DGKD: variants seen among roughly 807,000 people sequenced by gnomAD.
The protein encoded by DGKD is diacylglycerol kinase delta.
In DGKD, 68 loss-of-function variants were observed where a neutral mutation model predicts 154.4. The observed-to-expected ratio is 0.44, with a 90% CI of 0.36 to 0.54. The LOEUF is 0.54. Among genes scored for constraint, DGKD ranks in the 20% least tolerant of loss-of-function variants. The pLI, the probability that DGKD is intolerant of heterozygous loss-of-function variation, is 0.00. For synonymous variants in DGKD, 693 were observed against 638.0 expected, an observed-to-expected ratio of 1.09 and a Z score of -1.30; for missense variants, 1,343 against 1,593.6, an observed-to-expected ratio of 0.84 and a Z score of 2.68.
At chr2:233,383,894 G>A (rs1478559468) in intron 1 of DGKD, among the ~76,000 whole-genome samples, 4 of 152,176 alleles carry the variant, frequency 2.6e-5, no homozygotes, top group South Asian at 2.1e-4. Flanking sequence ...TTGAGGGAAC[G>A]GGAAGCATTC....
chr2:233,463,640 A>G (rs1049103983), intron 26 of DGKD, among the ~76,000 whole-genome samples: 5 of 137,072 alleles, frequency 3.6e-5, no homozygotes, highest in African/African-American at 1.6e-4. Flanking sequence ...GCATCTCCTC[A>G]CTCCACGCAT....
At chr2:233,407,226 T>C (rs77326355) in intron 3 of DGKD, among the ~76,000 whole-genome samples, 1,560 of 152,366 alleles carry the variant, frequency 0.01, 32 homozygotes, top group African/African-American at 0.035. Flanking sequence ...GTAACAGTTA[T>C]TCTGATTTAT....
At chr2:233,387,027 T>G (rs1343865330) in intron 1 of DGKD, among the ~76,000 whole-genome samples, 1 of 152,234 alleles carries the variant, frequency 6.6e-6, no homozygotes, top group Non-Finnish European at 1.5e-5. Flanking sequence ...GGGGGCTTTC[T>G]GCAGCCTTCC....
At position 233,457,675 on chromosome 2, in the gene DGKD, TC is replaced by T; in HGVS notation, c.2580+349del. On this transcript the variant is annotated intron_variant, in intron 21 of 29. Coordinates refer to ENST00000264057, the MANE Select transcript of DGKD (RefSeq NM_152879.3). The surrounding 1 kb of genome is among the most constrained non-coding windows in gnomAD (Gnocchi z 5.5). ...TGGGCAGAGGAGAGGGGGAGGCTGTTCCAGGCAGAGAGAATTGCACAGATGA... is the reference window on the plus strand; with the variant it reads ...TGGGCAGAGGAGAGGGGGAGGCTGTTCAGGCAGAGAGAATTGCACAGATGA... 2.3e-6 allele frequency: 1 copy of T among 443,246 alleles called. No homozygotes were observed. Among genetic ancestry groups the T allele is most frequent in the Non-Finnish European group, 4.5e-6 (1 of 223,606 alleles). The allele number at this position is 443,246 out of a possible 1,614,324, so 27.5% of individuals were successfully genotyped here. A position where few individuals can be genotyped will look rare whatever the true frequency, so the allele number is the denominator to read the frequency against.
At position 233,459,969 on chromosome 2, in the gene DGKD, G is replaced by C. The variant is rs777129022; in HGVS notation, c.2829+78G>C. 248 of 1,517,132 alleles carry C rather than the reference G, an allele frequency of 1.6e-4. No homozygotes were observed. The highest frequency in any genetic ancestry group is 2.1e-4 in the Non-Finnish European group (241 of 1,136,290). The allele number at this position is 1,517,132 out of a possible 1,614,324, so 94.0% of individuals were successfully genotyped here. A position where few individuals can be genotyped will look rare whatever the true frequency, so the allele number is the denominator to read the frequency against. On this transcript the variant is annotated intron_variant, in intron 23 of 29. Coordinates refer to ENST00000264057, the MANE Select transcript of DGKD (RefSeq NM_152879.3). The surrounding 1 kb of genome is among the most constrained non-coding windows in gnomAD (Gnocchi z 5.7). ...CTCTTGTGTGCACTGTTAAGAGCTG[G>C]AGCTTTTTGTGTTTTGTTCTAGGAT...
Position 233,469,044 on chromosome 2 carries a change from C to T in DGKD, c.3556-327C>T, listed in dbSNP as rs554252829. Among the ~76,000 whole-genome samples the T allele has an allele frequency of 2.3e-4, 35 of 152,306 alleles. No homozygotes were observed. The East Asian group carries it at 4.3e-3, about 19-fold the overall frequency. On this transcript the variant is annotated intron_variant, in intron 29 of 29. Coordinates refer to ENST00000264057, the MANE Select transcript of DGKD (RefSeq NM_152879.3). ...TGGGTGTTGAATCACTGGCTGAGTC[C>T]CGAGAGGGCAAAAGGCCACTGTGGG...
At chr2:233,462,767 G>A (rs766343599) in intron 26 of DGKD, 32 bp downstream of exon 26, 23 of 1,590,878 alleles carry the variant, frequency 1.4e-5, no homozygotes, top group African/African-American at 1.3e-4. Context: ...AGCAGGGCTC[G>A]GGCTGTGTGT....
At chr2:233,385,477 A>G (rs1484112311) in intron 1 of DGKD, among the ~76,000 whole-genome samples, 1 of 152,188 alleles carries the variant, frequency 6.6e-6, no homozygotes, top group Non-Finnish European at 1.5e-5. Flanking sequence ...TCTGATTGGA[A>G]TAAGGGTATC....
At position 233,434,782 on chromosome 2, in the gene DGKD, G is replaced by A. The variant is rs775414474; in HGVS notation, c.467G>A (p.Ser156Asn). Reference protein sequence around the residue: ...NREHFEPTQYSMDHFSGMHNW... With the variant: ...NREHFEPTQYNMDHFSGMHNW... The stretch of plus-strand genomic sequence containing the variant: ...TCGTTCTTCCAGCCCACCCAGTACA[G>A]CATGGACCACTTCTCAGGGATGCAC... Residue 156 changes from serine to asparagine, a missense_variant, in exon 5 of 30, where the codon AGC (serine) becomes AAC (asparagine). Around this residue, in one of 6 missense-constraint regions of DGKD, gnomAD observed 332 missense variants for 400.1 expected, o/e 0.83. Transcript: ENST00000264057. 6.2e-7 allele frequency: 1 copy of A among 1,613,878 alleles called. No homozygotes were observed. Among genetic ancestry groups the A allele is most frequent in the African/African-American group, 1.3e-5 (1 of 74,932 alleles).
At chr2:233,421,827 G>A (rs1466981459) in intron 3 of DGKD, among the ~76,000 whole-genome samples, 1 of 152,234 alleles carries the variant, frequency 6.6e-6, no homozygotes, top group Non-Finnish European at 1.5e-5. Context: ...GCATTCAAAT[G>A]TAACTTCCGC....
At chr2:233,394,833 C>T (rs1046739374) in intron 3 of DGKD, among the ~76,000 whole-genome samples, 1 of 151,036 alleles carries the variant, frequency 6.6e-6, no homozygotes, top group African/African-American at 2.4e-5. Flanking sequence ...TCACCCTCCC[C>T]AGTAGCTGGA....
At chr2:233,364,005 GAGAA>G (rs1701911208) in intron 1 of DGKD, among the ~76,000 whole-genome samples, 1 of 152,186 alleles carries the variant, frequency 6.6e-6, no homozygotes. Context: ...CATAGATGAA[GAGAA>G]AGAGAGAAAG....
At chr2:233,370,570 C>CTTTTTTTTTTTTTTTTTTTTTT (rs56301429) in intron 1 of DGKD, among the ~76,000 whole-genome samples, 1 of 123,344 alleles carries the variant, frequency 8.1e-6, no homozygotes, top group Non-Finnish European at 1.7e-5. Context: ...AGAACTTCTT[C>CTTTTTTTTTTTTTTTTTTTTTT]TTTTTTTTTT....
intron 3 of DGKD, among the ~76,000 whole-genome samples, chr2:233,427,337 CTTTTTTTT>C (rs35153949): frequency 4.8e-5 from 4 of 83,758 alleles, no homozygotes; most frequent in African/African-American, 1.1e-4. Context: ...TATTGCCCTG[CTTTTTTTT>C]TTTTTTTTTT....
At chr2:233,366,256 GTTGAA>G (rs1702023113) in intron 1 of DGKD, among the ~76,000 whole-genome samples, 1 of 152,232 alleles carries the variant, frequency 6.6e-6, no homozygotes, top group African/African-American at 2.4e-5. Context: ...TTGGATCGTG[GTTGAA>G]AAGATGGCTC....
chr2:233,409,801 T>G (rs1012967421), intron 3 of DGKD, among the ~76,000 whole-genome samples: 15 of 143,828 alleles, frequency 1.0e-4, no homozygotes, highest in East Asian at 2.1e-4. Context: ...TTTTTTTTTT[T>G]TTTTTTTTTT....
chr2:233,359,850 T>G (rs1701700207), intron 1 of DGKD, among the ~76,000 whole-genome samples: 1 of 152,148 alleles, frequency 6.6e-6, no homozygotes, highest in Non-Finnish European at 1.5e-5. Flanking sequence ...ACAGTTAATA[T>G]GAAGTTGTGA....
intron 1 of DGKD, among the ~76,000 whole-genome samples, chr2:233,355,439 C>T (rs1045331510): frequency 2.4e-4 from 37 of 152,254 alleles, no homozygotes; most frequent in Non-Finnish European, 7.3e-5. Flanking sequence ...TAGAACACTG[C>T]TTCCTCAGGC....
intron 3 of DGKD, among the ~76,000 whole-genome samples, chr2:233,433,599 C>T (rs1256810128): frequency 1.3e-5 from 2 of 152,056 alleles, no homozygotes. Flanking sequence ...TTGTTTATAA[C>T]ACAGAGAAAG....
Sources: allele counts gnomAD v4.1 joint callset (sites outside exome capture counted in the v4.1 genomes callset), GRCh38; gene constraint gnomAD v4.1.1; regional missense constraint gnomAD v4.1.1; non-coding constraint Gnocchi (gnomAD v3.1); transcripts MANE v1.5; gene names NCBI Gene and HGNC (gene_info 2026-07-23, HGNC 2026-07-21).